ENTREP2: variants seen among roughly 807,000 people sequenced by gnomAD.
ENTREP2 encodes endosomal transmembrane epsin interactor 2, also known as protein ENTREP2.
chr15:29,414,324 T>A, the ENTREP2 span, among the ~76,000 whole-genome samples: 1 of 152,040 alleles, frequency 6.6e-6, no homozygotes, highest in Non-Finnish European at 1.5e-5. Flanking sequence ...GCAATCAAAC[T>A]AGAACTCAGG....
the ENTREP2 span, among the ~76,000 whole-genome samples, chr15:29,473,883 A>G: frequency 6.6e-6 from 1 of 152,168 alleles, no homozygotes; most frequent in Non-Finnish European, 1.5e-5. Flanking sequence ...CAAAGCTAGG[A>G]GGCCCCCGGA....
At chr15:29,432,291 C>T in the ENTREP2 span, among the ~76,000 whole-genome samples, 1 of 152,206 alleles carries the variant, frequency 6.6e-6, no homozygotes, top group Non-Finnish European at 1.5e-5. Flanking sequence ...CTGCCCCAGA[C>T]ACCAGGCTCA....
At chr15:29,411,516 C>G in the ENTREP2 span, among the ~76,000 whole-genome samples, 1 of 152,168 alleles carries the variant, frequency 6.6e-6, no homozygotes, top group Non-Finnish European at 1.5e-5. Context: ...GCATTTTGTC[C>G]ACTTTTCTAT....
the ENTREP2 span, among the ~76,000 whole-genome samples, chr15:29,345,347 G>A: frequency 1.8e-4 from 27 of 152,126 alleles, no homozygotes; most frequent in Admixed American, 1.1e-3. Flanking sequence ...CAGCTCAGCC[G>A]AGTGGGGCTA....
chr15:29,627,984 G>C, the ENTREP2 span, among the ~76,000 whole-genome samples: 2 of 152,090 alleles, frequency 1.3e-5, no homozygotes, highest in Non-Finnish European at 2.9e-5. Context: ...TTTCCATTCC[G>C]TGTAAGTATA....
chr15:29,132,437 T>C, the ENTREP2 span, among the ~76,000 whole-genome samples: 4 of 152,192 alleles, frequency 2.6e-5, no homozygotes, highest in Non-Finnish European at 5.9e-5. Context: ...GATGCTGCCC[T>C]GCTGCCAGGC....
the ENTREP2 span, among the ~76,000 whole-genome samples, chr15:29,480,812 C>G: frequency 6.6e-5 from 10 of 152,172 alleles, no homozygotes; most frequent in African/African-American, 2.2e-4. Flanking sequence ...CAGAAAACCT[C>G]ACGGCTGCAG....
At chr15:29,412,742 G>C in the ENTREP2 span, among the ~76,000 whole-genome samples, 1 of 151,640 alleles carries the variant, frequency 6.6e-6, no homozygotes, top group Non-Finnish European at 1.5e-5. Context: ...TGTCTATTTT[G>C]TTAGAATTTT....
At chr15:29,163,774 T>C in the ENTREP2 span, among the ~76,000 whole-genome samples, 12 of 152,182 alleles carry the variant, frequency 7.9e-5, no homozygotes, top group Admixed American at 3.3e-4. Flanking sequence ...TTCCCTGGCC[T>C]TGCTAGAGAC....
At chr15:29,477,993 CTATATATATA>C in the ENTREP2 span, among the ~76,000 whole-genome samples, 327 of 85,944 alleles carry the variant, frequency 3.8e-3, 2 homozygotes, top group Middle Eastern at 9.4e-3. Flanking sequence ...TTAAATTTAA[CTATATATATA>C]TATATATATA....
chr15:29,223,628 G>C, the ENTREP2 span, among the ~76,000 whole-genome samples: 5 of 152,228 alleles, frequency 3.3e-5, no homozygotes, highest in South Asian at 8.3e-4. Flanking sequence ...TCCCACTGGA[G>C]ACCACACTTC....
chr15:29,292,505 C>A, the ENTREP2 span, among the ~76,000 whole-genome samples: 2 of 151,984 alleles, frequency 1.3e-5, no homozygotes, highest in Non-Finnish European at 2.9e-5. Context: ...CTCAGCCTCC[C>A]GAGTAGCTAG....
chr15:29,509,085 C>T, the ENTREP2 span, among the ~76,000 whole-genome samples: 1 of 152,192 alleles, frequency 6.6e-6, no homozygotes, highest in Non-Finnish European at 1.5e-5. Flanking sequence ...GCAAAAATTA[C>T]ATGCATTCCT....
At chr15:29,317,743 G>A in the ENTREP2 span, among the ~76,000 whole-genome samples, 1 of 152,238 alleles carries the variant, frequency 6.6e-6, no homozygotes, top group East Asian at 1.9e-4. Context: ...TTGAACTTAT[G>A]GCTGTTGAGG....
chr15:29,502,659 T>C, the ENTREP2 span, among the ~76,000 whole-genome samples: 1 of 151,902 alleles, frequency 6.6e-6, no homozygotes, highest in Non-Finnish European at 1.5e-5. Flanking sequence ...AGACAACCCA[T>C]AGAATGAGGG....
the ENTREP2 span, among the ~76,000 whole-genome samples, chr15:29,634,174 G>A: frequency 2.6e-5 from 4 of 152,086 alleles, no homozygotes; most frequent in East Asian, 7.7e-4. Flanking sequence ...CTGTAGGGGA[G>A]GGTGGCGGAG....
chr15:29,377,690 G>A, the ENTREP2 span, among the ~76,000 whole-genome samples: 6 of 151,696 alleles, frequency 4.0e-5, no homozygotes, highest in African/African-American at 7.3e-5. Context: ...GGCGTGGTGC[G>A]CACACCTTTA....
chr15:29,561,439 G>A, the ENTREP2 span, among the ~76,000 whole-genome samples: 5 of 152,138 alleles, frequency 3.3e-5, no homozygotes, highest in Non-Finnish European at 2.9e-5. Flanking sequence ...TGTAATCCCC[G>A]CACTTTGGGA....
chr15:29,607,499 T>C, the ENTREP2 span, among the ~76,000 whole-genome samples: 1 of 152,128 alleles, frequency 6.6e-6, no homozygotes, highest in Non-Finnish European at 1.5e-5. Context: ...GAGTTGTCAC[T>C]TCATTTCCAA....
Sources: allele counts gnomAD v4.1 joint callset (sites outside exome capture counted in the v4.1 genomes callset), GRCh38; gene constraint gnomAD v4.1.1; transcripts MANE v1.5; gene names NCBI Gene and HGNC (gene_info 2026-07-23, HGNC 2026-07-21).